Variants in EVI5 observed in about 807,000 individuals in gnomAD.
EVI5 encodes the protein ecotropic viral integration site 5 protein homolog.
Under a neutral mutation model 112.0 loss-of-function variants are expected in EVI5, and 73 were observed. The observed-to-expected ratio is 0.65, with a 90% CI of 0.54 to 0.79. The LOEUF (loss-of-function observed/expected upper bound fraction) is 0.79, where lower values mean the gene tolerates loss of function less well. EVI5 is among the 30% of genes least tolerant of loss of function. The probability of loss-of-function intolerance (pLI) is 0.00; values close to 1 mark genes in which losing one functional copy is unlikely to be tolerated. For missense variants in EVI5, 900 were observed against 968.8 expected, an observed-to-expected ratio of 0.93 and a Z score of 0.94; for synonymous variants, 305 against 319.9, an observed-to-expected ratio of 0.95 and a Z score of 0.50.
chr1:92,562,575 T>C (rs1668800080), intron 19 of EVI5, among the ~76,000 whole-genome samples: 1 of 152,186 alleles, frequency 6.6e-6, no homozygotes, highest in South Asian at 2.1e-4. Flanking sequence ...AAAGATTATA[T>C]GTAAGATCCT....
chr1:92,736,591 T>G lies in EVI5; in HGVS notation c.-45A>C. On this transcript the variant is annotated 5_prime_UTR_variant, in exon 2 of 20. Coordinates refer to ENST00000684568, the MANE Select transcript of EVI5 (RefSeq NM_001350197.2). ...ACTGTGTTCTTCACCCATGAGAGAGTAGAGCTCAGCTTTTCTGCAACTTTG... is the reference window on the plus strand; with the variant it reads ...ACTGTGTTCTTCACCCATGAGAGAGGAGAGCTCAGCTTTTCTGCAACTTTG... 6.2e-7 allele frequency: 1 copy of G among 1,613,932 alleles called. No individual in the cohort carries two copies. The highest frequency in any genetic ancestry group is 2.2e-5 in the East Asian group (1 of 44,876).
At chr1:92,544,405 A>G (rs1665334459) in intron 19 of EVI5, among the ~76,000 whole-genome samples, 1 of 152,228 alleles carries the variant, frequency 6.6e-6, no homozygotes, top group Admixed American at 6.5e-5. Context: ...TAAGGAAAGG[A>G]TACCAGATTG....
chr1:92,706,332 G>T (rs1467514404), intron 2 of EVI5, among the ~76,000 whole-genome samples: 1 of 152,018 alleles, frequency 6.6e-6, no homozygotes, highest in Non-Finnish European at 1.5e-5. Flanking sequence ...TATATCTTAT[G>T]GAAAAATTAG....
At chr1:92,715,586 T>C (rs1000265768) in intron 2 of EVI5, among the ~76,000 whole-genome samples, 1 of 152,128 alleles carries the variant, frequency 6.6e-6, no homozygotes, top group Non-Finnish European at 1.5e-5. Flanking sequence ...CTGAGGTACC[T>C]GGTTCATCTC....
intron 13 of EVI5, among the ~76,000 whole-genome samples, chr1:92,641,636 G>A (rs1659986070): frequency 6.6e-6 from 1 of 152,078 alleles, no homozygotes; most frequent in Non-Finnish European, 1.5e-5. Flanking sequence ...TCTGAAAAAA[G>A]TTATACAAGG....
chr1:92,697,195 A>G (rs1430311643), intron 6 of EVI5, among the ~76,000 whole-genome samples: 3 of 152,108 alleles, frequency 2.0e-5, no homozygotes, highest in Non-Finnish European at 4.4e-5. Flanking sequence ...TCATTCACCT[A>G]TTTTCTTAAA....
chr1:92,639,518 G>A (rs1414335492), intron 13 of EVI5, among the ~76,000 whole-genome samples: 1 of 152,050 alleles, frequency 6.6e-6, no homozygotes, highest in East Asian at 1.9e-4. Flanking sequence ...AAAAAGGGTT[G>A]TCCATGCAAA....
At chr1:92,651,311 AGTT>A (rs2102050573) in intron 13 of EVI5, among the ~76,000 whole-genome samples, 1 of 152,348 alleles carries the variant, frequency 6.6e-6, no homozygotes, top group African/African-American at 2.4e-5. Flanking sequence ...TAAAGAAATT[AGTT>A]GTTATCTTTC....
chr1:92,579,115 C>T (rs886777260), intron 18 of EVI5, among the ~76,000 whole-genome samples: 3 of 152,112 alleles, frequency 2.0e-5, no homozygotes, highest in Admixed American at 2.0e-4. Flanking sequence ...ATTCATGTAT[C>T]TTTTCTTGAG....
chr1:92,637,660 T>C (rs1659161507), intron 13 of EVI5, among the ~76,000 whole-genome samples: 3 of 152,220 alleles, frequency 2.0e-5, no homozygotes, highest in African/African-American at 7.2e-5. Context: ...AAAGAAAATG[T>C]GGCAACTCAA....
At chr1:92,756,549 G>T in intron 1 of EVI5, 1 of 520,440 alleles carries the variant, frequency 1.9e-6, no homozygotes, top group South Asian at 1.4e-5. Flanking sequence ...AACAGCTATT[G>T]ACTGCTCATG....
At chr1:92,649,881 A>C (rs1165357570) in intron 13 of EVI5, among the ~76,000 whole-genome samples, 1 of 152,214 alleles carries the variant, frequency 6.6e-6, no homozygotes, top group Non-Finnish European at 1.5e-5. Flanking sequence ...TTAGGCATCT[A>C]ATTTCATTCT....
chr1:92,518,416 T>A (rs1376922512), intron 19 of EVI5, among the ~76,000 whole-genome samples: 1 of 152,112 alleles, frequency 6.6e-6, no homozygotes. Flanking sequence ...GCACCAGCAC[T>A]CTCTGTAATT....
chr1:92,736,327 T>G, intron 2 of EVI5, 71 bp downstream of exon 2: 2 of 980,978 alleles, frequency 2.0e-6, no homozygotes, highest in Non-Finnish European at 3.1e-6. Context: ...AAAAAAAAAT[T>G]CTAGTGTAAG....
At chr1:92,550,502 T>A (rs566526413) in intron 19 of EVI5, among the ~76,000 whole-genome samples, 22 of 150,466 alleles carry the variant, frequency 1.5e-4, no homozygotes, top group Non-Finnish European at 2.1e-4. Context: ...TAATTAAAAA[T>A]ATATATATAT....
rs1674188067 is a variant in EVI5 at position 92,718,608 on chromosome 1, C to T, written c.150-13864G>A. On this transcript the variant is annotated intron_variant, in intron 2 of 19. Coordinates refer to ENST00000684568, the MANE Select transcript of EVI5 (RefSeq NM_001350197.2). ...CAAAGCAGGAAAGATCTAAAATTGACACCATAACATCACAATTAAAAGAAC... is the reference window on the plus strand; with the variant it reads ...CAAAGCAGGAAAGATCTAAAATTGATACCATAACATCACAATTAAAAGAAC... 2.0e-5 allele frequency among the ~76,000 whole-genome samples: 3 copies of T among 152,098 alleles called. No individual in the cohort carries two copies. The South Asian group carries it at 6.2e-4, about 32-fold the overall frequency.
chr1:92,557,539 T>C (rs1041743998), intron 19 of EVI5, among the ~76,000 whole-genome samples: 9 of 152,072 alleles, frequency 5.9e-5, no homozygotes, highest in African/African-American at 2.2e-4. Context: ...CCTTAGATGA[T>C]CTGCCTGCCG....
At chr1:92,561,415 A>T (rs762914312) in intron 19 of EVI5, among the ~76,000 whole-genome samples, 1 of 152,144 alleles carries the variant, frequency 6.6e-6, no homozygotes, top group South Asian at 2.1e-4. Context: ...TAATTTTAAC[A>T]GTAGAAAATT....
intron 18 of EVI5, among the ~76,000 whole-genome samples, chr1:92,590,583 T>C (rs939963643): frequency 2.0e-5 from 3 of 151,874 alleles, no homozygotes; most frequent in African/African-American, 4.8e-5. Flanking sequence ...TAAAAAGAAA[T>C]GAACAGTCTC....
Sources: allele counts gnomAD v4.1 joint callset (sites outside exome capture counted in the v4.1 genomes callset), GRCh38; gene constraint gnomAD v4.1.1; transcripts MANE v1.5; gene names NCBI Gene and HGNC (gene_info 2026-07-23, HGNC 2026-07-21).